Variants in HPS6 observed in about 807,000 individuals in gnomAD.
HPS6 encodes BLOC-2 complex member HPS6.
Under a neutral mutation model 53.6 loss-of-function variants are expected in HPS6, and 46 were observed. The observed-to-expected ratio is 0.86, with a 90% CI of 0.68 to 1.10. The LOEUF (loss-of-function observed/expected upper bound fraction) is 1.10, where lower values mean the gene tolerates loss of function less well. Ranked by LOEUF, HPS6 falls within the 50% of genes least tolerant of loss-of-function variation. HPS6 has a pLI of 0.00. For missense variants in HPS6, 1,034 were observed against 991.3 expected (o/e 1.04, Z -0.58); for synonymous variants, 535 against 470.8 (o/e 1.14, Z -1.77).
At position 102,067,305 on chromosome 10, in the gene HPS6, G is replaced by C. The variant is rs2067979214; in HGVS notation, c.1831G>C (p.Val611Leu). The C allele has an allele frequency of 6.2e-7, 1 of 1,613,232 alleles. No homozygotes were observed. The highest frequency in any genetic ancestry group is 8.5e-7 in the Non-Finnish European group (1 of 1,179,850). The part of the protein sequence containing the change: ...GLPLYRRALA[V>L]LGEEGTRPEA... The stretch of plus-strand genomic sequence containing the variant: ...GCCCCTGTATCGCCGAGCTCTGGCA[G>C]TGCTAGGTGAGGAGGGGACCAGGCC... Residue 611 changes from valine (V) to leucine (L), a missense_variant, in exon 1 of 1, where the codon GTG becomes CTG. Transcript: ENST00000299238.
chr10:102,066,825 C>T lies in HPS6; in HGVS notation c.1351C>T (p.Leu451=), dbSNP rs778409888. ...ILQGHLPPSA[L]LTMLRTELRD... ...CCAGGGCCACCTGCCCCCATCTGCA[C>T]TGCTGACCATGTTGAGGACCGAGCT... Residue 451 remains leucine (L), a synonymous_variant, in exon 1 of 1, where the codon CTG becomes TTG. Transcript: ENST00000299238. The T allele has an allele frequency of 6.2e-7, 1 of 1,614,240 alleles. No homozygotes were observed. Among genetic ancestry groups the T allele is most frequent in the Admixed American group, 1.7e-5 (1 of 60,032 alleles).
Position 102,067,336 on chromosome 10 carries a change from C to A in HPS6, c.1862C>A (p.Ala621Asp). The part of the protein sequence containing the change: ...VLGEEGTRPE[A>D]LELELLLSSG... Reference sequence around the variant, plus strand: ...GGTGAGGAGGGGACCAGGCCTGAGGCTCTGGAGCTAGAGCTGCTCTTGAGC... The same window carrying A: ...GGTGAGGAGGGGACCAGGCCTGAGGATCTGGAGCTAGAGCTGCTCTTGAGC... The change falls in exon 1 of 1, where the codon GCT (alanine) becomes GAT (aspartate). Residue 621 changes from alanine (A) to aspartate (D), a missense_variant. By Grantham distance (126) the Ala-to-Asp change is moderately radical. Coordinates refer to ENST00000299238, the MANE Select transcript of HPS6 (RefSeq NM_024747.6). 2 of 1,613,226 alleles carry A rather than the reference C, an allele frequency of 1.2e-6. No individual in the cohort carries two copies. The highest frequency in any genetic ancestry group is 1.7e-6 in the Non-Finnish European group (2 of 1,179,880).
chr10:102,065,894 G>C lies in HPS6; in HGVS notation c.420G>C (p.Trp140Cys). 6.5e-7 allele frequency: 1 copy of C among 1,540,490 alleles called. No homozygotes were observed. Among genetic ancestry groups the C allele is most frequent in the Non-Finnish European group, 8.7e-7 (1 of 1,149,914 alleles). Residue 140 changes from tryptophan to cysteine, a missense_variant, in exon 1 of 1, where the codon TGG (tryptophan) becomes TGC (cysteine). By Grantham distance (215) the Trp-to-Cys change is radical. Coordinates refer to ENST00000299238, the MANE Select transcript of HPS6 (RefSeq NM_024747.6). The part of the protein sequence containing the change: ...AVAALRGRLV[W>C]CEERQARAEG... Reference sequence around the variant, plus strand: ...CGGCGCTCCGAGGCCGCCTGGTGTGGTGCGAGGAGCGGCAGGCCCGGGCCG... The same window carrying C: ...CGGCGCTCCGAGGCCGCCTGGTGTGCTGCGAGGAGCGGCAGGCCCGGGCCG...
rs765454289 is a variant in HPS6 at position 102,065,468 on chromosome 10, C to A, written c.-7C>A. The stretch of plus-strand genomic sequence containing the variant: ...AAAGCCTGGGCGCGCTCCCGCGCAG[C>A]GGCGCCATGAAGCGCTCGGGGACTC... On this transcript the variant is annotated 5_prime_UTR_variant, in exon 1 of 1. Transcript: ENST00000299238. 1.3e-6 allele frequency: 2 copies of A among 1,552,458 alleles called. No individual in the cohort carries two copies. Among genetic ancestry groups the A allele is most frequent in the Non-Finnish European group, 1.7e-6 (2 of 1,160,776 alleles).
At position 102,065,820 on chromosome 10, in the gene HPS6, C is replaced by T; in HGVS notation, c.346C>T (p.Gln116Ter). ...AGVGPGWRPL[Q>*]STELCPGGGA... ...CGTGGGGCCTGGCTGGCGGCCGCTGCAGAGCACCGAGCTGTGTCCGGGCGG... is the reference window on the plus strand; with the variant it reads ...CGTGGGGCCTGGCTGGCGGCCGCTGTAGAGCACCGAGCTGTGTCCGGGCGG... The change falls in exon 1 of 1, where the codon CAG becomes TAG. Residue 116 changes from glutamine (Q) to a stop codon, truncating the protein, a stop_gained. Transcript: ENST00000299238. LOFTEE classifies it high-confidence loss of function. The T allele has an allele frequency of 1.3e-6, 2 of 1,508,884 alleles. No individual in the cohort carries two copies. The highest frequency in any genetic ancestry group is 1.8e-6 in the Non-Finnish European group (2 of 1,136,404). The allele number at this position is 1,508,884 out of a possible 1,614,324, so 93.5% of individuals were successfully genotyped here.
chr10:102,066,379 G>C lies in HPS6; in HGVS notation c.905G>C (p.Gly302Ala), dbSNP rs1284345603. ...TCCCACGGTGGTACGCGGGCTGTGG[G>C]CACCCTGCAGGAGGCACCTGTAGGC... Reference protein sequence around the residue: ...LQSHGGTRAVGTLQEAPVGPW... With the variant: ...LQSHGGTRAVATLQEAPVGPW... The change falls in exon 1 of 1, where the codon GGC becomes GCC. Residue 302 changes from glycine to alanine, a missense_variant. Gly to Ala is a moderately conservative substitution (Grantham distance 60, BLOSUM62 0). Coordinates refer to ENST00000299238, the MANE Select transcript of HPS6 (RefSeq NM_024747.6). The C allele has an allele frequency of 6.2e-7, 1 of 1,613,838 alleles. No homozygotes were observed. The highest frequency in any genetic ancestry group is 1.3e-5 in the African/African-American group (1 of 74,938).
In HPS6 at chr10:102,066,902, T is replaced by G. The variant is rs2067975344; in HGVS notation, c.1428T>G (p.Asp476Glu). 1 of 1,614,022 alleles carries G rather than the reference T, an allele frequency of 6.2e-7. No individual in the cohort carries two copies. Among genetic ancestry groups the G allele is most frequent in the East Asian group, 2.2e-5 (1 of 44,884 alleles). Reference sequence around the variant, plus strand: ...TGAAGGCCCAGCTGGTGGCTGGGGATGATGAGGAGGCTGGTTGGACTGAGC... The same window carrying G: ...TGAAGGCCCAGCTGGTGGCTGGGGAGGATGAGGAGGCTGGTTGGACTGAGC... ...EQLKAQLVAG[D>E]DEEAGWTELA... The change falls in exon 1 of 1, where the codon GAT becomes GAG. Residue 476 changes from aspartate to glutamate, a missense_variant. Asp to Glu is a conservative substitution (Grantham distance 45, BLOSUM62 2). Transcript: ENST00000299238.
chr10:102,065,414 C>A lies in HPS6; in HGVS notation c.-61C>A, dbSNP rs2067959586. On this transcript the variant is annotated 5_prime_UTR_variant, in exon 1 of 1. Transcript: ENST00000299238. The stretch of plus-strand genomic sequence containing the variant: ...TGCTCCGCTCCCCCGAGAATCGGGC[C>A]TCGCCCTGCTGGGCGGCTGGACCTG... The A allele has an allele frequency of 3.5e-5, 52 of 1,485,928 alleles. No homozygotes were observed. The highest frequency in any genetic ancestry group is 4.5e-5 in the Non-Finnish European group (50 of 1,121,572). 92.0% of individuals were successfully genotyped at this position (1,485,928 alleles called of 1,614,324 possible). A position where few individuals can be genotyped will look rare whatever the true frequency, so the allele number is the denominator to read the frequency against.
At position 102,067,254 on chromosome 10, in the gene HPS6, G is replaced by T. The variant is rs933833612; in HGVS notation, c.1780G>T (p.Gly594Cys). 1.2e-6 allele frequency: 2 copies of T among 1,612,752 alleles called. No homozygotes were observed. Among genetic ancestry groups the T allele is most frequent in the African/African-American group, 1.3e-5 (1 of 74,946 alleles). Reference protein sequence around the residue: ...VELAQQQGGPGWGAGGPGLPL... With the variant: ...VELAQQQGGPCWGAGGPGLPL... Reference sequence around the variant, plus strand: ...GCTGGCACAGCAGCAGGGCGGGCCGGGCTGGGGGGCAGGGGGCCCAGGACT... The same window carrying T: ...GCTGGCACAGCAGCAGGGCGGGCCGTGCTGGGGGGCAGGGGGCCCAGGACT... The change falls in exon 1 of 1, where the codon GGC (glycine) becomes TGC (cysteine). Residue 594 changes from glycine to cysteine, a missense_variant. Gly to Cys is a radical substitution (Grantham distance 159). Transcript: ENST00000299238.
chr10:102,067,644 G>A lies in HPS6; in HGVS notation c.2170G>A (p.Glu724Lys). ...GGTGGGGCCCCCAACCCCATTCCCT[G>A]AGCCTGGAGCAGAGCCCCCTCTCAC... ...DEVGPPTPFP[E>K]PGAEPPLTVG... Residue 724 changes from glutamate to lysine, a missense_variant, in exon 1 of 1, where the codon GAG (glutamate) becomes AAG (lysine). Physicochemically the swap from Glu to Lys is moderately conservative, Grantham distance 56. Coordinates refer to ENST00000299238, the MANE Select transcript of HPS6 (RefSeq NM_024747.6). 6.2e-7 allele frequency: 1 copy of A among 1,613,932 alleles called. No homozygotes were observed. The highest frequency in any genetic ancestry group is 8.5e-7 in the Non-Finnish European group (1 of 1,180,042).
Position 102,066,027 on chromosome 10 carries a change from C to A in HPS6, c.553C>A (p.Leu185Met). The change falls in exon 1 of 1, where the codon CTG becomes ATG. Residue 185 changes from leucine to methionine, a missense_variant. Leu to Met is a conservative substitution (Grantham distance 15, BLOSUM62 2). Coordinates refer to ENST00000299238, the MANE Select transcript of HPS6 (RefSeq NM_024747.6). ...CAGCCTGGGCCGCACACACGTCCTGCTGCACCACTGCCCTGCCTTCGGGCT... is the reference window on the plus strand; with the variant it reads ...CAGCCTGGGCCGCACACACGTCCTGATGCACCACTGCCCTGCCTTCGGGCT... ...STSLGRTHVLLHHCPAFGLLA... is the reference protein window; with the variant it reads ...STSLGRTHVLMHHCPAFGLLA... 1.2e-6 allele frequency: 2 copies of A among 1,606,862 alleles called. No individual in the cohort carries two copies. Among genetic ancestry groups the A allele is most frequent in the Non-Finnish European group, 1.7e-6 (2 of 1,179,974 alleles).
Position 102,066,169 on chromosome 10 carries a change from G to C in HPS6, c.695G>C (p.Arg232Pro). 1.2e-6 allele frequency: 2 copies of C among 1,613,804 alleles called. No homozygotes were observed. Among genetic ancestry groups the C allele is most frequent in the Non-Finnish European group, 1.7e-6 (2 of 1,180,044 alleles). Residue 232 changes from arginine to proline, a missense_variant, in exon 1 of 1, where the codon CGG (arginine) becomes CCG (proline). By Grantham distance (103) the Arg-to-Pro change is moderately radical (BLOSUM62 -2). Coordinates refer to ENST00000299238, the MANE Select transcript of HPS6 (RefSeq NM_024747.6). ...GGCAAAGTGATGGTGGCTGCCCCAC[G>C]GCTTGGTCTCTCCTACAGTAAGAGT... Reference protein sequence around the residue: ...GKGKVMVAAPRLGLSYSKSLN... With the variant: ...GKGKVMVAAPPLGLSYSKSLN...
In HPS6 at chr10:102,065,587, C is replaced by T. The variant is rs2067961689; in HGVS notation, c.113C>T (p.Pro38Leu). ...GDSAVRVRGS[P>L]DGRHLLLLRP... ...TCAGCGGTCCGAGTCCGTGGCAGTC[C>T]GGACGGCCGCCACTTGCTGCTCCTG... Residue 38 changes from proline (P) to leucine (L), a missense_variant, in exon 1 of 1, where the codon CCG (proline) becomes CTG (leucine). Coordinates refer to ENST00000299238, the MANE Select transcript of HPS6 (RefSeq NM_024747.6). The T allele has an allele frequency of 2.6e-6, 4 of 1,542,296 alleles. No homozygotes were observed. Among genetic ancestry groups the T allele is most frequent in the Admixed American group, 1.9e-5 (1 of 52,628 alleles).
In HPS6 at chr10:102,067,286, G is replaced by A. The variant is rs750792394; in HGVS notation, c.1812G>A (p.Leu604=). 1 of 1,613,026 alleles carries A rather than the reference G, an allele frequency of 6.2e-7. No homozygotes were observed. Among genetic ancestry groups the A allele is most frequent in the Non-Finnish European group, 8.5e-7 (1 of 1,179,780 alleles). ...GWGAGGPGLP[L]YRRALAVLGE... is the part of the protein sequence containing the mutation. ...GGGCAGGGGGCCCAGGACTGCCCCT[G>A]TATCGCCGAGCTCTGGCAGTGCTAG... Residue 604 remains leucine, a synonymous_variant, in exon 1 of 1, where the codon CTG becomes CTA. Transcript: ENST00000299238.
chr10:102,066,734 G>C lies in HPS6; in HGVS notation c.1260G>C (p.Gln420His). 6.2e-7 allele frequency: 1 copy of C among 1,613,998 alleles called. No homozygotes were observed. The highest frequency in any genetic ancestry group is 8.5e-7 in the Non-Finnish European group (1 of 1,180,024). ...AGCGGCGGAGCCTGCGGGGTGCCCA[G>C]CTCACTCCAGAAGAACTGAGACACA... ...YYQRRSLRGA[Q>H]LTPEELRHSS... Residue 420 changes from glutamine to histidine, a missense_variant, in exon 1 of 1, where the codon CAG becomes CAC. Transcript: ENST00000299238.
Position 102,067,146 on chromosome 10 carries a change from C to T in HPS6, c.1672C>T (p.Pro558Ser). Residue 558 changes from proline (P) to serine (S), a missense_variant, in exon 1 of 1, where the codon CCC becomes TCC. Transcript: ENST00000299238. The stretch of plus-strand genomic sequence containing the variant: ...GGGAATAACCGCTGGAAAGGAACCC[C>T]CCAATGGAATACTGCCCCCCTTTGA... ...LGGITAGKEP[P>S]NGILPPFELL... The T allele has an allele frequency of 6.2e-7, 1 of 1,613,908 alleles. No homozygotes were observed. The highest frequency in any genetic ancestry group is 8.5e-7 in the Non-Finnish European group (1 of 1,180,026).
chr10:102,065,688 C>T lies in HPS6; in HGVS notation c.214C>T (p.Pro72Ser). 1.3e-6 allele frequency: 2 copies of T among 1,519,658 alleles called. No individual in the cohort carries two copies. The highest frequency in any genetic ancestry group is 1.2e-5 in the South Asian group (1 of 82,196). 94.1% of individuals were successfully genotyped at this position (1,519,658 alleles called of 1,614,324 possible). A position where few individuals can be genotyped will look rare whatever the true frequency, so the allele number is the denominator to read the frequency against. The change falls in exon 1 of 1, where the codon CCG becomes TCG. Residue 72 changes from proline to serine, a missense_variant. Pro to Ser is a moderately conservative substitution (Grantham distance 74). Coordinates refer to ENST00000299238, the MANE Select transcript of HPS6 (RefSeq NM_024747.6). Reference protein sequence around the residue: ...GPGAELERAWPAGQPSPLDAF... With the variant: ...GPGAELERAWSAGQPSPLDAF... ...CGGCGCGGAGCTAGAGCGGGCCTGG[C>T]CGGCCGGCCAGCCCTCCCCGCTGGA...
In HPS6 at chr10:102,065,511, C is replaced by T. The variant is rs747009102; in HGVS notation, c.37C>T (p.Leu13=). 3 of 1,557,040 alleles carry T rather than the reference C, an allele frequency of 1.9e-6. No homozygotes were observed. The highest frequency in any genetic ancestry group is 3.6e-5 in the Admixed American group (2 of 55,752). Residue 13 remains leucine, a synonymous_variant, in exon 1 of 1, where the codon CTG becomes TTG. Coordinates refer to ENST00000299238, the MANE Select transcript of HPS6 (RefSeq NM_024747.6). ...GGGGACTCTGCGGCTGCTCTCGGACCTGAGCGCCTTCGGCGGCGCGGCGCG... is the reference window on the plus strand; with the variant it reads ...GGGGACTCTGCGGCTGCTCTCGGACTTGAGCGCCTTCGGCGGCGCGGCGCG... ...RSGTLRLLSD[L]SAFGGAARLR... is the part of the protein sequence containing the mutation.
chr10:102,066,852 C>A lies in HPS6; in HGVS notation c.1378C>A (p.Arg460=). Residue 460 remains arginine (R), a synonymous_variant, in exon 1 of 1, where the codon CGG becomes AGG. Coordinates refer to ENST00000299238, the MANE Select transcript of HPS6 (RefSeq NM_024747.6). The part of the protein sequence containing the change: ...ALLTMLRTEL[R]DYRGLEQLKA... ...GCTGACCATGTTGAGGACCGAGCTT[C>A]GGGATTACCGAGGCTTAGAACAGCT... 1 of 1,614,172 alleles carries A rather than the reference C, an allele frequency of 6.2e-7. No homozygotes were observed. Among genetic ancestry groups the A allele is most frequent in the Non-Finnish European group, 8.5e-7 (1 of 1,180,030 alleles).
Sources: gnomAD v4.1 joint callset for allele counts on GRCh38, gnomAD v4.1.1 for gene constraint, MANE v1.5 for transcripts, NCBI Gene and HGNC (gene_info 2026-07-23, HGNC 2026-07-21) for gene names.